LRRC43: variants seen among roughly 807,000 people sequenced by gnomAD.
LRRC43 encodes leucine-rich repeat-containing protein 43.
LRRC43 carries 62 observed loss-of-function variants against 64.3 expected under a neutral mutation model. The ratio of observed to expected loss-of-function variants is 0.96; its 90% CI spans 0.79 to 1.19. The LOEUF is 1.19. Among genes scored for constraint, LRRC43 ranks in the 50% most tolerant of loss-of-function variants. The pLI is 0.00. For missense variants in LRRC43, 868 were observed against 845.0 expected (o/e 1.03, Z -0.34); for synonymous variants, 422 against 382.3 (o/e 1.10, Z -1.21).
Position 122,200,377 on chromosome 12 carries a change from G to C in LRRC43, c.1491+47G>C, listed in dbSNP as rs747697729. ...CCGGCCATCCACAGGCTGCACTTCT[G>C]TCCTTGTTCCTGTTCCCATCGGGCT... On this transcript the variant is annotated intron_variant, in intron 8 of 11. Transcript: ENST00000339777. The surrounding 1 kb of genome is among the most constrained non-coding windows in gnomAD (Gnocchi z 4.6). 7 of 1,606,740 alleles carry C rather than the reference G, an allele frequency of 4.4e-6. No homozygotes were observed. The highest frequency in any genetic ancestry group is 5.9e-6 in the Non-Finnish European group (7 of 1,178,784).
Position 122,200,645 on chromosome 12 carries a change from G to A in LRRC43, c.1605G>A (p.Glu535=), listed in dbSNP as rs192579560. The A allele has an allele frequency of 2.5e-6, 4 of 1,572,768 alleles. No homozygotes were observed. Among genetic ancestry groups the A allele is most frequent in the Non-Finnish European group, 2.6e-6 (3 of 1,144,484 alleles). ...GKEKDRTGKG[E]KEPAKEWKVL... ...AGAAAGACAGGACGGGGAAAGGAGA[G>A]AAAGAGCCGGCCAAGGTACCGGGCC... is the stretch of plus-strand genomic sequence containing the variant. The change falls in exon 9 of 12, where the codon GAG becomes GAA. Residue 535 remains glutamate, a synonymous_variant. Transcript: ENST00000339777. The surrounding 1 kb of genome is among the most constrained non-coding windows in gnomAD (Gnocchi z 4.6).
chr12:122,183,127 G>A lies in LRRC43; in HGVS notation c.-18G>A, dbSNP rs1441959576. 1 of 1,532,438 alleles carries A rather than the reference G, an allele frequency of 6.5e-7. No individual in the cohort carries two copies. The highest frequency in any genetic ancestry group is 8.7e-7 in the Non-Finnish European group (1 of 1,145,254). The allele number at this position is 1,532,438 out of a possible 1,614,324, so 94.9% of individuals were successfully genotyped here. ...CGCGCACGCGTCCTAGCGGTTGCCG[G>A]GCAACGCGGCCCGGGCCATGGAGGC... On this transcript the variant is annotated 5_prime_UTR_variant, in exon 1 of 12. Transcript: ENST00000339777.
chr12:122,167,987 G>A (rs1953455034), intron 1 of LRRC43, among the ~76,000 whole-genome samples: 1 of 150,950 alleles, frequency 6.6e-6, no homozygotes, highest in Non-Finnish European at 1.5e-5. Context: ...GCTAATTTTT[G>A]TATTTTTTAG....
intron 4 of LRRC43, chr12:122,189,593 C>T (rs1051499359): frequency 2.4e-6 from 1 of 421,382 alleles, no homozygotes; most frequent in Non-Finnish European, 4.8e-6. Context: ...AGGCCCCTCC[C>T]AGGCCCCTTT....
At chr12:122,172,887 A>C in intron 1 of LRRC43, 1 of 678,934 alleles carries the variant, frequency 1.5e-6, no homozygotes, top group Admixed American at 2.9e-5. Context: ...CTGTGCCATC[A>C]CCAACCCCAT....
chr12:122,173,944 A>G, intron 1 of LRRC43: 1 of 1,614,144 alleles, frequency 6.2e-7, no homozygotes, highest in East Asian at 2.2e-5. Context: ...GTGGGAGGCC[A>G]GCCAGCCTCC....
At chr12:122,182,524 A>C (rs1029963261), upstream of LRRC43, among the ~76,000 whole-genome samples, 6 of 134,630 alleles carry the variant, frequency 4.5e-5, no homozygotes, top group African/African-American at 1.7e-4. Flanking sequence ...CTCGGTCTCA[A>C]AAAAAAAAAA....
chr12:122,196,487 G>C (rs1308509848), intron 7 of LRRC43, among the ~76,000 whole-genome samples: 1 of 152,236 alleles, frequency 6.6e-6, no homozygotes, highest in Non-Finnish European at 1.5e-5. Flanking sequence ...GTTCTAGAGG[G>C]CTGGGCACAG....
intron 1 of LRRC43, among the ~76,000 whole-genome samples, chr12:122,174,651 C>T (rs1291815207): frequency 6.6e-6 from 1 of 152,118 alleles, no homozygotes; most frequent in Non-Finnish European, 1.5e-5. Context: ...GAAATTTCTG[C>T]AGCATATGCC....
intron 11 of LRRC43, 48 bp downstream of exon 11, chr12:122,201,377 T>G (rs749313253): frequency 1.1e-5 from 18 of 1,590,156 alleles, no homozygotes; most frequent in African/African-American, 2.7e-5. Flanking sequence ...CAGGAGGACC[T>G]GCTGAGGGCC....
Position 122,186,276 on chromosome 12 carries a change from C to G in LRRC43, c.498C>G (p.Ala166=). 6.2e-7 allele frequency: 1 copy of G among 1,602,194 alleles called. No homozygotes were observed. The highest frequency in any genetic ancestry group is 8.5e-7 in the Non-Finnish European group (1 of 1,174,574). Residue 166 remains alanine, a synonymous_variant, in exon 3 of 12, where the codon GCC becomes GCG. Transcript: ENST00000339777. The stretch of plus-strand genomic sequence containing the variant: ...CCAATCGAATCAAGGAGGTGGATGC[C>G]ACCAATCTGCCCCCCACACTCAAGG... The part of the protein sequence containing the change: ...LSANRIKEVD[A]TNLPPTLKVL...
At position 122,203,409 on chromosome 12, in the gene LRRC43, G is replaced by A. The variant is rs374361009; in HGVS notation, c.1938G>A (p.Ser646=). ...AGATCCAGCTGAACCAGTGCCGCTC[G>A]GCGGAGGAGGCTCTGCGCATGTTCG... The part of the protein sequence containing the change: ...EVQIQLNQCR[S]AEEALRMFAV The change falls in exon 12 of 12, where the codon TCG becomes TCA. Residue 646 remains serine (S), a synonymous_variant. Transcript: ENST00000339777. 15 of 1,612,044 alleles carry A rather than the reference G, an allele frequency of 9.3e-6. No individual in the cohort carries two copies. The highest frequency in any genetic ancestry group is 4.0e-5 in the African/African-American group (3 of 74,886).
chr12:122,186,360 T>C, intron 3 of LRRC43, 60 bp downstream of exon 3: 1 of 1,091,712 alleles, frequency 9.2e-7, no homozygotes. Flanking sequence ...GGCCTTGCCT[T>C]ACCCTGCCCC....
intron 1 of LRRC43, among the ~76,000 whole-genome samples, chr12:122,174,969 A>G (rs139962958): frequency 0.02 from 2,948 of 150,064 alleles, 106 homozygotes; most frequent in African/African-American, 0.069. Context: ...CCTCCCAAGT[A>G]GCTGGGACTA....
At chr12:122,185,697 G>A (rs781652351) in intron 2 of LRRC43, among the ~76,000 whole-genome samples, 1 of 152,142 alleles carries the variant, frequency 6.6e-6, no homozygotes, top group Non-Finnish European at 1.5e-5. Flanking sequence ...AGAAGGTTTC[G>A]TGTCCTGGAC....
In LRRC43 at chr12:122,200,827, G is replaced by T; in HGVS notation, c.1702G>T (p.Gly568Cys). ...DPPILQVLGRGLVILEPLLAG... is the reference protein window; with the variant it reads ...DPPILQVLGRCLVILEPLLAG... ...CCCCATCCTCCAGGTGCTGGGCCGG[G>T]GCCTGGTGATCCTGGAGCCCCTGCT... Residue 568 changes from glycine (G) to cysteine (C), a missense_variant, in exon 10 of 12, where the codon GGC (glycine) becomes TGC (cysteine). By Grantham distance (159) the Gly-to-Cys change is radical. Coordinates refer to ENST00000339777, the MANE Select transcript of LRRC43 (RefSeq NM_001098519.2). The surrounding 1 kb of genome is among the most constrained non-coding windows in gnomAD (Gnocchi z 4.6). 6.2e-7 allele frequency: 1 copy of T among 1,613,202 alleles called. No homozygotes were observed. Among genetic ancestry groups the T allele is most frequent in the Non-Finnish European group, 8.5e-7 (1 of 1,179,990 alleles).
At chr12:122,178,120 G>T (rs1953553093) in intron 1 of LRRC43, among the ~76,000 whole-genome samples, 1 of 152,080 alleles carries the variant, frequency 6.6e-6, no homozygotes, top group Non-Finnish European at 1.5e-5. Flanking sequence ...TTACAAGTGG[G>T]AGCCACCACG....
At chr12:122,175,749 C>A (rs556433921) in intron 1 of LRRC43, among the ~76,000 whole-genome samples, 18 of 152,004 alleles carry the variant, frequency 1.2e-4, no homozygotes, top group South Asian at 6.2e-4. Flanking sequence ...TCACTGCAAC[C>A]TCCGCCTCCT....
In LRRC43 at chr12:122,200,673, G is replaced by A. The variant is rs1017325135; in HGVS notation, c.1620+13G>A. On this transcript the variant is annotated intron_variant, in intron 9 of 11. Coordinates refer to ENST00000339777, the MANE Select transcript of LRRC43 (RefSeq NM_001098519.2). The surrounding 1 kb of genome is among the most constrained non-coding windows in gnomAD (Gnocchi z 4.6). ...AGAGCCGGCCAAGGTACCGGGCCTTGGTGCTGGGGAGGGCAGCCTGGCCAC... is the reference window on the plus strand; with the variant it reads ...AGAGCCGGCCAAGGTACCGGGCCTTAGTGCTGGGGAGGGCAGCCTGGCCAC... 6.2e-7 allele frequency: 1 copy of A among 1,613,666 alleles called. No individual in the cohort carries two copies. The highest frequency in any genetic ancestry group is 1.1e-5 in the South Asian group (1 of 91,064).
Sources: gnomAD v4.1 joint callset for allele counts (sites outside exome capture counted in the v4.1 genomes callset) on GRCh38, gnomAD v4.1.1 for gene constraint, Gnocchi (gnomAD v3.1) non-coding constraint, MANE v1.5 for transcripts, NCBI Gene and HGNC (gene_info 2026-07-23, HGNC 2026-07-21) for gene names.